Variants in MCM2 observed in about 807,000 individuals in gnomAD.
The protein encoded by MCM2 is DNA replication licensing factor MCM2.
A neutral mutation model predicts 86.4 loss-of-function variants in MCM2; 49 were observed. The ratio of observed to expected loss-of-function variants is 0.57; its 90% CI spans 0.45 to 0.72. The LOEUF is 0.72. Among genes scored for constraint, MCM2 ranks in the 30% least tolerant of loss-of-function variants. MCM2 has a pLI of 0.00. For missense variants in MCM2, 1,038 were observed against 1,259.9 expected, an observed-to-expected ratio of 0.82 and a Z score of 2.67; for synonymous variants, 475 against 484.6, an observed-to-expected ratio of 0.98 and a Z score of 0.26.
intron 2 of MCM2, 113 bp downstream of exon 2, chr3:127,599,660 T>A: frequency 3.3e-6 from 3 of 918,382 alleles, no homozygotes; most frequent in Non-Finnish European, 4.9e-6. Context: ...CATTCTTGCC[T>A]TTGAGCACAG....
chr3:127,618,133 G>T lies in MCM2; in HGVS notation c.2013+52G>T. 1 of 1,467,614 alleles carries T rather than the reference G, an allele frequency of 6.8e-7. No homozygotes were observed. Among genetic ancestry groups the T allele is most frequent in the Non-Finnish European group, 9.5e-7 (1 of 1,053,168 alleles). The allele number at this position is 1,467,614 out of a possible 1,614,324, so 90.9% of individuals were successfully genotyped here. A position where few individuals can be genotyped will look rare whatever the true frequency, so the allele number is the denominator to read the frequency against. On this transcript the variant is annotated intron_variant, in intron 12 of 15. Coordinates refer to ENST00000265056, the MANE Select transcript of MCM2 (RefSeq NM_004526.4). This position sits in a 1 kb window ranked among gnomAD's most constrained non-coding sequence, Gnocchi z 4.0. ...ATGAACTGTGGTTTGGGGACCTCAG[G>T]TGAGGCTTGGGGTCATACAGTGTGC...
At position 127,604,617 on chromosome 3, in the gene MCM2, C is replaced by G; in HGVS notation, c.246C>G (p.Arg82=). Residue 82 remains arginine, a synonymous_variant, in exon 3 of 16, where the codon CGC becomes CGG. Transcript: ENST00000265056. Reference sequence around the variant, plus strand: ...TTTGGTGCTCCCTCAGGGACTACCGCGCCATCCCAGAGCTGGACGCCTATG... The same window carrying G: ...TTTGGTGCTCCCTCAGGGACTACCGGGCCATCCCAGAGCTGGACGCCTATG... ...LIGDGMERDY[R]AIPELDAYEA... 6.2e-7 allele frequency: 1 copy of G among 1,613,002 alleles called. No homozygotes were observed. The highest frequency in any genetic ancestry group is 1.1e-5 in the South Asian group (1 of 91,042).
Position 127,622,135 on chromosome 3 carries a change from G to C in MCM2, c.*362G>C. On this transcript the variant is annotated 3_prime_UTR_variant, in exon 16 of 16. Transcript: ENST00000265056. ...ATGTCAGGAGAGCTGCTGCCCTCTT[G>C]GCGTGAGTTGCGTATTCAGGCTGCT... The C allele has an allele frequency of 5.7e-6, 1 of 174,312 alleles. No homozygotes were observed. Among genetic ancestry groups the C allele is most frequent in the South Asian group, 1.5e-4 (1 of 6,632 alleles). The allele number at this position is 174,312 out of a possible 1,614,324, so 10.8% of individuals were successfully genotyped here. A position where few individuals can be genotyped will look rare whatever the true frequency, so the allele number is the denominator to read the frequency against.
intron 6 of MCM2, among the ~76,000 whole-genome samples, chr3:127,607,386 G>T (rs1011407604): frequency 2.6e-5 from 4 of 152,372 alleles, no homozygotes; most frequent in Non-Finnish European, 4.4e-5. Context: ...GTGGCGCCCA[G>T]GCCCCTTGAC....
Position 127,608,777 on chromosome 3 carries a change from G to A in MCM2, c.1237-55G>A, listed in dbSNP as rs530548856. On this transcript the variant is annotated intron_variant, in intron 7 of 15. Transcript: ENST00000265056. ...AGGAGAAACTGGAGGAAGGCAGCAC[G>A]GAGGTGGGCACCCCTGGGTTAGGCT... 3.2e-4 allele frequency: 505 copies of A among 1,563,918 alleles called. 3 individuals are homozygous for A. Among genetic ancestry groups the A allele is most frequent in the South Asian group, 2.7e-3 (239 of 87,890 alleles).
chr3:127,606,133 T>A lies in MCM2; in HGVS notation c.689T>A (p.Leu230Gln). 6.2e-7 allele frequency: 1 copy of A among 1,614,126 alleles called. No homozygotes were observed. The highest frequency in any genetic ancestry group is 1.1e-5 in the South Asian group (1 of 91,082). Residue 230 changes from leucine to glutamine, a missense_variant, in exon 5 of 16, where the codon CTG (leucine) becomes CAG (glutamine). By Grantham distance (113) the Leu-to-Gln change is moderately radical (BLOSUM62 -2). Coordinates refer to ENST00000265056, the MANE Select transcript of MCM2 (RefSeq NM_004526.4). The surrounding 1 kb of genome is among the most constrained non-coding windows in gnomAD (Gnocchi z 4.2). ...CCCCTTCTAGAGAACCGTGAGAGCC[T>A]GGTGGTGAACTATGAGGACTTGGCA... ...SDMCKENRES[L>Q]VVNYEDLAAR...
rs1336864381 is a variant in MCM2, at chr3:127,606,663, C to G, written c.947C>G (p.Thr316Ser). The G allele has an allele frequency of 6.2e-7, 1 of 1,614,230 alleles. No individual in the cohort carries two copies. Among genetic ancestry groups the G allele is most frequent in the Non-Finnish European group, 8.5e-7 (1 of 1,180,050 alleles). ...IRTSGVVTSC[T>S]GVLPQLSMVK... ...ACCAGTGGGGTGGTGACCAGCTGCA[C>G]TGGCGTCCTGCCCCAGCTCAGCATG... The change falls in exon 6 of 16, where the codon ACT becomes AGT. Residue 316 changes from threonine (T) to serine (S), a missense_variant. Thr to Ser is a moderately conservative substitution (Grantham distance 58). This residue lies in a region of MCM2 where 399 missense variants were observed against 507.2 expected (regional missense o/e 0.79). Coordinates refer to ENST00000265056, the MANE Select transcript of MCM2 (RefSeq NM_004526.4). This position sits in a 1 kb window ranked among gnomAD's most constrained non-coding sequence, Gnocchi z 4.2.
In MCM2 at chr3:127,606,633, TC is replaced by T; in HGVS notation, c.919del (p.Arg307AlafsTer6). 1.9e-6 allele frequency: 3 copies of T among 1,614,108 alleles called. No individual in the cohort carries two copies. The highest frequency in any genetic ancestry group is 2.5e-6 in the Non-Finnish European group (3 of 1,180,044). ...AGGCAGCTGCATCTGAACCAGCTGA[TC>T]CGCACCAGTGGGGTGGTGACCAGCT... is the stretch of plus-strand genomic sequence containing the variant. ...SLRQLHLNQL[I>X]RTSGVVTSCT... On this transcript the variant is annotated frameshift_variant, in exon 6 of 16. Coordinates refer to ENST00000265056, the MANE Select transcript of MCM2 (RefSeq NM_004526.4). LOFTEE classifies it high-confidence loss of function. The surrounding 1 kb of genome is among the most constrained non-coding windows in gnomAD (Gnocchi z 4.2).
rs1164165278 is a variant in MCM2 at position 127,620,763 on chromosome 3, C to T, written c.2331C>T (p.His777=). ...CCATGATCCGCATGGCGGAGGCCCA[C>T]GCGCGCATCCATCTGCGGGACTATG... ...IESMIRMAEA[H]ARIHLRDYVI... The change falls in exon 14 of 16, where the codon CAC becomes CAT. Residue 777 remains histidine, a synonymous_variant. Transcript: ENST00000265056. 3.7e-6 allele frequency: 6 copies of T among 1,613,896 alleles called. No homozygotes were observed. The highest frequency in any genetic ancestry group is 3.3e-5 in the South Asian group (3 of 91,048).
At chr3:127,600,707 G>A (rs2074301403) in intron 2 of MCM2, among the ~76,000 whole-genome samples, 1 of 152,032 alleles carries the variant, frequency 6.6e-6, no homozygotes, top group African/African-American at 2.4e-5. Context: ...TGTTCTGCCT[G>A]ATGGAGTTGT....
chr3:127,607,922 A>G (rs2074362848), intron 6 of MCM2, among the ~76,000 whole-genome samples: 2 of 152,252 alleles, frequency 1.3e-5, no homozygotes, highest in Admixed American at 6.5e-5. Flanking sequence ...GACATGGCAC[A>G]GTGCTGGCCT....
rs560066309 is a variant in MCM2 at position 127,606,919 on chromosome 3, G to A, written c.1101+102G>A. ...CTGTGGAAGACCAGTGTGGGCAGCC[G>A]CAAGAAGCAAGATAGAATTGTGTGT... On this transcript the variant is annotated intron_variant, in intron 6 of 15. Coordinates refer to ENST00000265056, the MANE Select transcript of MCM2 (RefSeq NM_004526.4). This position sits in a 1 kb window ranked among gnomAD's most constrained non-coding sequence, Gnocchi z 4.2. 18 of 1,112,560 alleles carry A rather than the reference G, an allele frequency of 1.6e-5. No homozygotes were observed. The highest frequency in any genetic ancestry group is 7.7e-5 in the African/African-American group (5 of 65,014). The allele number at this position is 1,112,560 out of a possible 1,614,324, so 68.9% of individuals were successfully genotyped here.
At chr3:127,620,180 G>T (rs965692444) in intron 13 of MCM2, among the ~76,000 whole-genome samples, 8 of 152,152 alleles carry the variant, frequency 5.3e-5, no homozygotes, top group Non-Finnish European at 1.2e-4. Flanking sequence ...ATTCATAGTG[G>T]AATGGAAACT....
intron 2 of MCM2, chr3:127,604,233 C>A: frequency 4.9e-6 from 1 of 204,160 alleles, no homozygotes; most frequent in Admixed American, 5.2e-5. Flanking sequence ...CCATTCTTCC[C>A]AGCACCTAGC....
Position 127,604,906 on chromosome 3 carries a change from G to A in MCM2, c.423G>A (p.Glu141=). 6.2e-7 allele frequency: 1 copy of A among 1,611,200 alleles called. No individual in the cohort carries two copies. Among genetic ancestry groups the A allele is most frequent in the South Asian group, 1.1e-5 (1 of 90,798 alleles). Residue 141 remains glutamate, a synonymous_variant, in exon 4 of 16, where the codon GAG becomes GAA. Coordinates refer to ENST00000265056, the MANE Select transcript of MCM2 (RefSeq NM_004526.4). ...MRRGLLYDSD[E]EDEERPARKR... is the part of the protein sequence containing the mutation. ...CTCTTGCCTCCCCAGACAGCGATGA[G>A]GAGGACGAGGAGCGCCCTGCCCGCA...
At position 127,620,816 on chromosome 3, in the gene MCM2, T is replaced by G; in HGVS notation, c.2384T>G (p.Ile795Ser). 1.2e-6 allele frequency: 2 copies of G among 1,614,010 alleles called. No individual in the cohort carries two copies. Among genetic ancestry groups the G allele is most frequent in the South Asian group, 2.2e-5 (2 of 91,058 alleles). Residue 795 changes from isoleucine to serine, a missense_variant, in exon 14 of 16, where the codon ATC (isoleucine) becomes AGC (serine). By Grantham distance (142) the Ile-to-Ser change is moderately radical. Coordinates refer to ENST00000265056, the MANE Select transcript of MCM2 (RefSeq NM_004526.4). ...YVIEDDVNMA[I>S]RVMLESFIDT... The stretch of plus-strand genomic sequence containing the variant: ...ATCGAAGACGACGTCAACATGGCCA[T>G]CCGCGTGATGCTGGAGAGCTTCATA...
rs1432257674 is a variant in MCM2 at position 127,618,196 on chromosome 3, G to A, written c.2013+115G>A. 3.8e-6 allele frequency: 3 copies of A among 785,158 alleles called. No homozygotes were observed. Among genetic ancestry groups the A allele is most frequent in the Non-Finnish European group, 4.4e-6 (2 of 456,472 alleles). 48.6% of individuals were successfully genotyped at this position (785,158 alleles called of 1,614,324 possible). ...ACAGGTGCTGCAGGGGCCATAGGCT[G>A]TTTTCTAGTCCTGTTCCCTCGGTCT... On this transcript the variant is annotated intron_variant, in intron 12 of 15. Transcript: ENST00000265056. The surrounding 1 kb of genome is among the most constrained non-coding windows in gnomAD (Gnocchi z 4.0).
intron 9 of MCM2, among the ~76,000 whole-genome samples, chr3:127,616,569 C>T (rs1023697987): frequency 3.9e-5 from 6 of 152,232 alleles, no homozygotes; most frequent in Non-Finnish European, 7.3e-5. Flanking sequence ...TTTTAAATGA[C>T]TATCATGCCA....
Position 127,621,731 on chromosome 3 carries a change from C to G in MCM2, c.2673C>G (p.Phe891Leu). 6.2e-7 allele frequency: 1 copy of G among 1,614,088 alleles called. No individual in the cohort carries two copies. The highest frequency in any genetic ancestry group is 8.5e-7 in the Non-Finnish European group (1 of 1,179,994). ...YDSELFRMNKFSHDLKRKMIL... is the reference protein window; with the variant it reads ...YDSELFRMNKLSHDLKRKMIL... ...GTGAGCTCTTCAGGATGAACAAGTTCAGCCACGACCTGAAAAGGAAAATGA... is the reference window on the plus strand; with the variant it reads ...GTGAGCTCTTCAGGATGAACAAGTTGAGCCACGACCTGAAAAGGAAAATGA... The change falls in exon 16 of 16, where the codon TTC becomes TTG. Residue 891 changes from phenylalanine to leucine, a missense_variant. Physicochemically the swap from Phe to Leu is conservative, Grantham distance 22 (BLOSUM62 0). Coordinates refer to ENST00000265056, the MANE Select transcript of MCM2 (RefSeq NM_004526.4).
Sources: gnomAD v4.1 joint callset for allele counts (sites outside exome capture counted in the v4.1 genomes callset) on GRCh38, gnomAD v4.1.1 for gene constraint, gnomAD v4.1.1 regional missense constraint, Gnocchi (gnomAD v3.1) non-coding constraint, MANE v1.5 for transcripts, NCBI Gene and HGNC (gene_info 2026-07-23, HGNC 2026-07-21) for gene names.